The following MYO7A variants were observed in gnomAD, a reference collection of about 807,000 sequenced individuals.
MYO7A encodes the protein unconventional myosin-VIIa.
MYO7A carries 210 observed loss-of-function variants against 263.8 expected under a neutral mutation model. That is an observed-to-expected ratio of 0.80 (90% confidence interval 0.71 to 0.89). The LOEUF (loss-of-function observed/expected upper bound fraction) is 0.89. MYO7A is among the 40% of genes least tolerant of loss of function. The probability of loss-of-function intolerance (pLI) is 0.00; values close to 1 mark genes in which losing one functional copy is unlikely to be tolerated. For missense variants in MYO7A, 2,820 were observed against 2,968.3 expected (o/e 0.95, Z 1.16); for synonymous variants, 1,239 against 1,197.3 (o/e 1.03, Z -0.72).
intron 30 of MYO7A, among the ~76,000 whole-genome samples, chr11:77,191,696 GGC>G (rs1472004981): frequency 4.7e-4 from 71 of 152,204 alleles, no homozygotes. Context: ...TCAGCAGAGG[GGC>G]CCCCGCCCAC....
In MYO7A at chr11:77,181,235, A is replaced by T. The variant is rs188178335; in HGVS notation, c.2695-145A>T. The T allele has an allele frequency of 1.0e-3, 726 of 697,436 alleles. 6 individuals carry two copies. The African/African-American group carries it at 0.012, about 12-fold the overall frequency. The allele number at this position is 697,436 out of a possible 1,614,324, so 43.2% of individuals were successfully genotyped here. ...CCTCTGAGTGGTCCAGAGGTGGGGAAGTCAGAGGCTCCATTCTTCCCAGCG... is the reference window on the plus strand; with the variant it reads ...CCTCTGAGTGGTCCAGAGGTGGGGATGTCAGAGGCTCCATTCTTCCCAGCG... On this transcript the variant is annotated intron_variant, in intron 22 of 48. Transcript: ENST00000409709.
intron 4 of MYO7A, 140 bp downstream of exon 4, chr11:77,148,090 A>ACC (rs35771868): frequency 6.3e-6 from 5 of 797,332 alleles, no homozygotes; most frequent in African/African-American, 1.9e-5. Flanking sequence ...GTGCAGCTGG[A>ACC]CCCCGGGGCC....
chr11:77,167,831 C>T (rs550670095), intron 15 of MYO7A, among the ~76,000 whole-genome samples: 3 of 152,312 alleles, frequency 2.0e-5, no homozygotes, highest in East Asian at 3.9e-4. Flanking sequence ...ATGGTGGCCT[C>T]TCCCCTCTGC....
chr11:77,200,634 G>A (rs1200465860), intron 35 of MYO7A, among the ~76,000 whole-genome samples: 1 of 152,224 alleles, frequency 6.6e-6, no homozygotes, highest in Non-Finnish European at 1.5e-5. Flanking sequence ...CCTTGGCCTT[G>A]GCACTCAAGG....
chr11:77,184,722 G>T lies in MYO7A; in HGVS notation c.3503+7G>T, dbSNP rs782034041. Reference sequence around the variant, plus strand: ...TCCTGCGGCCAGCACTCCGGTCAGTGCCGGGAGGCGGGGACACCAGGGCCT... The same window carrying T: ...TCCTGCGGCCAGCACTCCGGTCAGTTCCGGGAGGCGGGGACACCAGGGCCT... On this transcript the variant is annotated splice_region_variant and intron_variant, in intron 27 of 48. Transcript: ENST00000409709. 6.4e-7 allele frequency: 1 copy of T among 1,554,266 alleles called. No individual in the cohort carries two copies.
In MYO7A at chr11:77,160,240, G is replaced by A; in HGVS notation, c.1158G>A (p.Leu386=). 1 of 1,580,282 alleles carries A rather than the reference G, an allele frequency of 6.3e-7. No homozygotes were observed. Among genetic ancestry groups the A allele is most frequent in the Non-Finnish European group, 8.6e-7 (1 of 1,163,640 alleles). The part of the protein sequence containing the change: ...ITRGETVSTP[L]SREQALDVRD... ...GCGGGGAGACGGTGTCCACCCCACT[G>A]AGCAGGGAACAGGCACTGGACGTGC... is the stretch of plus-strand genomic sequence containing the variant. The change falls in exon 11 of 49, where the codon CTG becomes CTA. Residue 386 remains leucine (L), a synonymous_variant. Transcript: ENST00000409709.
chr11:77,142,847 GC>G lies in MYO7A; in HGVS notation c.132+29del, dbSNP rs781974898. On this transcript the variant is annotated intron_variant, in intron 3 of 48. Coordinates refer to ENST00000409709, the MANE Select transcript of MYO7A (RefSeq NM_000260.4). ...TGTGAGTAGTCCCCTCCCTCCTCCTGCCCCATGCCTTGGGGTCAGACCTGGG... is the reference window on the plus strand; with the variant it reads ...TGTGAGTAGTCCCCTCCCTCCTCCTGCCCATGCCTTGGGGTCAGACCTGGG... The G allele has an allele frequency of 4.5e-6, 7 of 1,556,472 alleles. No individual in the cohort carries two copies. The South Asian group carries it at 8.2e-5, about 18-fold the overall frequency.
At chr11:77,162,437 A>G (rs1953089264) in intron 13 of MYO7A, 107 bp downstream of exon 13, 2 of 1,113,064 alleles carry the variant, frequency 1.8e-6, no homozygotes, top group South Asian at 2.8e-5. Flanking sequence ...AATGATACCC[A>G]CCTCTCAAGT....
intron 7 of MYO7A, 71 bp downstream of exon 7, chr11:77,157,075 G>C: frequency 6.4e-7 from 1 of 1,562,178 alleles, no homozygotes; most frequent in Non-Finnish European, 8.7e-7. Flanking sequence ...TGGCCCACCT[G>C]CCCGTATTGC....
At chr11:77,141,161 C>T (rs1951187096) in intron 2 of MYO7A, among the ~76,000 whole-genome samples, 1 of 152,194 alleles carries the variant, frequency 6.6e-6, no homozygotes, top group African/African-American at 2.4e-5. Flanking sequence ...TTGTGAAGTA[C>T]ACTCGATGAC....
rs553769434 is a variant in MYO7A at position 77,128,350 on chromosome 11, G to A, written c.-186G>A. 4 of 152,704 alleles carry A rather than the reference G, an allele frequency of 2.6e-5. No individual in the cohort carries two copies. The highest frequency in any genetic ancestry group is 3.9e-4 in the East Asian group (2 of 5,182). The allele number at this position is 152,704 out of a possible 1,614,324, so 9.5% of individuals were successfully genotyped here. On this transcript the variant is annotated 5_prime_UTR_variant, in exon 1 of 49. Coordinates refer to ENST00000409709, the MANE Select transcript of MYO7A (RefSeq NM_000260.4). ...AAAGACCCAGAGGGACGCCTAGAAC[G>A]AGACTTGGAGCCAGACAGAGGAAGA...
chr11:77,199,326 G>A (rs188051986), intron 34 of MYO7A, among the ~76,000 whole-genome samples: 77 of 152,326 alleles, frequency 5.1e-4, no homozygotes, highest in African/African-American at 1.6e-3. Flanking sequence ...AGGACTTCCT[G>A]GAGGAAGTGG....
In MYO7A at chr11:77,189,467, C is replaced by T. The variant is rs1433934124; in HGVS notation, c.3627C>T (p.Val1209=). Residue 1209 remains valine (V), a synonymous_variant, in exon 28 of 49, where the codon GTC becomes GTT. Transcript: ENST00000409709. ...GTTTCGCCCCCTCCGAGAAGTTTGT[C>T]AAGGTAGGAAGGTGCCTGGCCTCCT... ...VGCFAPSEKF[V]KYLRNFIHGG... The T allele has an allele frequency of 3.1e-6, 5 of 1,613,780 alleles. No individual in the cohort carries two copies. Among genetic ancestry groups the T allele is most frequent in the East Asian group, 4.5e-5 (2 of 44,868 alleles).
chr11:77,143,252 G>A (rs369633505), intron 3 of MYO7A, among the ~76,000 whole-genome samples: 6 of 152,274 alleles, frequency 3.9e-5, no homozygotes, highest in South Asian at 4.1e-4. Context: ...ATAATAATAC[G>A]TATCTCACAG....
chr11:77,148,056 C>T (rs2135712316), intron 4 of MYO7A, 106 bp downstream of exon 4: 1 of 1,066,592 alleles, frequency 9.4e-7, no homozygotes, highest in Non-Finnish European at 1.3e-6. Flanking sequence ...TGCCGGGGCC[C>T]TGCCTCCTGA....
At chr11:77,184,946 C>T (rs1420314788) in intron 27 of MYO7A, 2 of 759,316 alleles carry the variant, frequency 2.6e-6, no homozygotes, top group Non-Finnish European at 4.6e-6. Context: ...ATTGCAGGTT[C>T]AGTTGAAGGC....
At chr11:77,133,673 G>GTTTTA (rs1950831026) in intron 2 of MYO7A, among the ~76,000 whole-genome samples, 1 of 152,154 alleles carries the variant, frequency 6.6e-6, no homozygotes, top group South Asian at 2.1e-4. Flanking sequence ...GTTTTGTTTT[G>GTTTTA]TTTTTATCCA....
At chr11:77,164,751 A>G (rs1337853915) in intron 14 of MYO7A, among the ~76,000 whole-genome samples, 1 of 152,238 alleles carries the variant, frequency 6.6e-6, no homozygotes, top group Non-Finnish European at 1.5e-5. Context: ...AGGATACAGA[A>G]GTGAAAATTG....
At position 77,156,786 on chromosome 11, in the gene MYO7A, G is replaced by T. The variant is rs782519015; in HGVS notation, c.592+5G>T. 6.2e-6 allele frequency: 10 copies of T among 1,613,982 alleles called. No homozygotes were observed. Among genetic ancestry groups the T allele is most frequent in the Non-Finnish European group, 8.5e-6 (10 of 1,179,860 alleles). ...AGGCCACCCCCATTCTGGAAGGTAG[G>T]ACCAGAGTTCCGAGGGTGGGACCAG... On this transcript the variant is annotated splice_donor_5th_base_variant and intron_variant, in intron 6 of 48. Transcript: ENST00000409709.
Sources: gnomAD v4.1 joint callset for allele counts (sites outside exome capture counted in the v4.1 genomes callset) on GRCh38, gnomAD v4.1.1 for gene constraint, MANE v1.5 for transcripts, NCBI Gene and HGNC (gene_info 2026-07-23, HGNC 2026-07-21) for gene names.